DAB1: variants seen among roughly 807,000 people sequenced by gnomAD.
The protein encoded by DAB1 is DAB adaptor protein 1, also known as disabled homolog 1.
In DAB1, 15 loss-of-function variants were observed where a neutral mutation model predicts 64.6. The observed-to-expected ratio is 0.23, with a 90% CI of 0.16 to 0.36. The LOEUF is 0.36. Among genes scored for constraint, DAB1 ranks in the 10% least tolerant of loss-of-function variants. The pLI, the probability that DAB1 is intolerant of heterozygous loss-of-function variation, is 1.00. For missense variants in DAB1, 596 were observed against 706.7 expected, an observed-to-expected ratio of 0.84 and a Z score of 1.78; for synonymous variants, 235 against 251.9, an observed-to-expected ratio of 0.93 and a Z score of 0.64.
At chr1:57,136,343 A>G (rs1658087474) in intron 4 of DAB1, among the ~76,000 whole-genome samples, 200 bp downstream of exon 4, 1 of 152,198 alleles carries the variant, frequency 6.6e-6, no homozygotes, top group Admixed American at 6.5e-5. Flanking sequence ...CCATTACACT[A>G]TAAGAAACAC....
chr1:57,571,856 G>C (rs111917880), intron 7 of DAB1, among the ~76,000 whole-genome samples: 1 of 152,182 alleles, frequency 6.6e-6, no homozygotes, highest in African/African-American at 2.4e-5. Context: ...GTGGGGAAAG[G>C]CTCCTTCACT....
intron 2 of DAB1, among the ~76,000 whole-genome samples, chr1:57,161,666 T>C (rs1660763930): frequency 6.6e-6 from 1 of 152,216 alleles, no homozygotes; most frequent in African/African-American, 2.4e-5. Context: ...CAAGTGCTTT[T>C]TATTTTTTTA....
At chr1:57,630,674 A>G (rs1645978646) in intron 7 of DAB1, among the ~76,000 whole-genome samples, 1 of 152,216 alleles carries the variant, frequency 6.6e-6, no homozygotes, top group African/African-American at 2.4e-5. Flanking sequence ...GCCTCAAAGC[A>G]TCCTGGGCAC....
chr1:58,335,198 G>A (rs1323123431), intron 4 of DAB1, among the ~76,000 whole-genome samples: 3 of 152,158 alleles, frequency 2.0e-5, no homozygotes, highest in African/African-American at 7.2e-5. Context: ...AGCATCCCAG[G>A]TAGAAGGACT....
chr1:58,272,640 T>C (rs1461105968), intron 4 of DAB1, among the ~76,000 whole-genome samples: 2 of 140,532 alleles, frequency 1.4e-5, no homozygotes, highest in Non-Finnish European at 3.1e-5. Context: ...AAGTCTCCCA[T>C]TATTAATGCG....
intron 5 of DAB1, among the ~76,000 whole-genome samples, chr1:57,894,081 CA>C (rs1319284341): frequency 1.3e-5 from 2 of 152,120 alleles, no homozygotes; most frequent in African/African-American, 4.8e-5. Flanking sequence ...AGGGAAGAAT[CA>C]GGGGAGAAGG....
At chr1:58,252,683 G>GC (rs1009647547) in intron 4 of DAB1, among the ~76,000 whole-genome samples, 2 of 152,068 alleles carry the variant, frequency 1.3e-5, no homozygotes, top group African/African-American at 4.8e-5. Flanking sequence ...ATTTGATATT[G>GC]CCCCCCTTTG....
rs1387997932 is a variant in DAB1 at position 57,023,514 on chromosome 1, G to A, written c.895+17C>T. 4.1e-6 allele frequency: 6 copies of A among 1,448,958 alleles called. No individual in the cohort carries two copies. The highest frequency in any genetic ancestry group is 1.4e-5 in the African/African-American group (1 of 71,888). 89.8% of individuals were successfully genotyped at this position (1,448,958 alleles called of 1,614,324 possible). A position where few individuals can be genotyped will look rare whatever the true frequency, so the allele number is the denominator to read the frequency against. On this transcript the variant is annotated intron_variant, in intron 11 of 14. Transcript: ENST00000371236. ...AGTGAAGGCCAAAGGAAGGGAAGCT[G>A]GTGGAAGAGGGCTTACCTGAGGGTA...
At chr1:57,625,662 A>G (rs910725359) in intron 7 of DAB1, among the ~76,000 whole-genome samples, 2 of 152,230 alleles carry the variant, frequency 1.3e-5, no homozygotes, top group Admixed American at 6.5e-5. Context: ...ATAGACACAA[A>G]GACATAGGCA....
At chr1:57,708,508 G>T (rs1646992722) in intron 6 of DAB1, among the ~76,000 whole-genome samples, 1 of 152,206 alleles carries the variant, frequency 6.6e-6, no homozygotes, top group Non-Finnish European at 1.5e-5. Context: ...AAAGCAGCAG[G>T]GCTTGCCCTA....
intron 7 of DAB1, among the ~76,000 whole-genome samples, chr1:57,555,181 C>G (rs907443166): frequency 6.6e-6 from 1 of 151,498 alleles, no homozygotes; most frequent in Non-Finnish European, 1.5e-5. Flanking sequence ...ACTACAGGCA[C>G]GTGCCCCCAC....
chr1:58,353,261 A>AC lies in DAB1; in HGVS notation n.258-9859dup, dbSNP rs1265755879. Among the ~76,000 whole-genome samples the AC allele has an allele frequency of 7.9e-5, 12 of 152,276 alleles. No individual in the cohort carries two copies. The South Asian group carries it at 1.0e-3, about 13-fold the overall frequency. On this transcript the variant is annotated intron_variant and non_coding_transcript_variant, in intron 3 of 20. Transcript: ENST00000485760. The stretch of plus-strand genomic sequence containing the variant: ...TGAATCAAAATACACTAAAACAGCC[A>AC]CTGACATTTTGATCACCAGGAGATA...
intron 2 of DAB1, among the ~76,000 whole-genome samples, chr1:57,155,955 A>T (rs760324889): frequency 3.9e-5 from 6 of 152,144 alleles, no homozygotes; most frequent in Non-Finnish European, 7.4e-5. Flanking sequence ...AGATCATATC[A>T]TCTGCAAACA....
intron 4 of DAB1, among the ~76,000 whole-genome samples, chr1:57,081,058 A>G (rs1283508046): frequency 1.3e-5 from 2 of 152,114 alleles, no homozygotes. Flanking sequence ...TTTACTAAAC[A>G]TATAGTTTGT....
chr1:57,388,431 G>A (rs3861834), intron 1 of DAB1, among the ~76,000 whole-genome samples: 63,537 of 151,824 alleles, frequency 0.42, 13,907 homozygotes, highest in African/African-American at 0.5. Flanking sequence ...CCCAGTCCTC[G>A]TGTAGGTGGT....
chr1:58,050,570 C>A (rs560861114), intron 5 of DAB1, among the ~76,000 whole-genome samples: 2 of 152,224 alleles, frequency 1.3e-5, no homozygotes, highest in East Asian at 3.9e-4. Flanking sequence ...TGCTCTGTCA[C>A]CCAGGCTGGA....
In DAB1 at chr1:58,202,171, GA is replaced by G. The variant is rs568814214; in HGVS notation, n.310-51584del. 1.1e-4 allele frequency among the ~76,000 whole-genome samples: 16 copies of G among 152,274 alleles called. 2 individuals are homozygous for G. In the South Asian group the frequency reaches 2.9e-3, roughly 28 times the overall value. ...TTAAAGACAAAAAAAAGACAATCTG[GA>G]AATTAGATGATAGCATTTAAGACTT... is the stretch of plus-strand genomic sequence containing the variant. On this transcript the variant is annotated intron_variant and non_coding_transcript_variant, in intron 4 of 20. Coordinates refer to the DAB1 transcript ENST00000485760.
At chr1:58,031,398 G>A (rs1646967934) in intron 5 of DAB1, among the ~76,000 whole-genome samples, 2 of 152,164 alleles carry the variant, frequency 1.3e-5, no homozygotes, top group South Asian at 4.1e-4. Context: ...AAATCTTTAA[G>A]AAGATGTTTG....
At chr1:58,203,121 G>C (rs1225778726) in intron 4 of DAB1, among the ~76,000 whole-genome samples, 1 of 152,186 alleles carries the variant, frequency 6.6e-6, no homozygotes, top group African/African-American at 2.4e-5. Flanking sequence ...AAAGGGGTAA[G>C]GGGAAGAGGG....
Sources: allele counts gnomAD v4.1 joint callset (sites outside exome capture counted in the v4.1 genomes callset), GRCh38; gene constraint gnomAD v4.1.1; transcripts MANE v1.5; gene names NCBI Gene and HGNC (gene_info 2026-07-23, HGNC 2026-07-21).